Variants in DMD observed in about 807,000 individuals in gnomAD.
DMD encodes the protein dystrophin.
DMD carries 63 observed loss-of-function variants against 330.1 expected under a neutral mutation model. That is an observed-to-expected ratio of 0.19 (90% CI 0.16 to 0.24). DMD has a LOEUF of 0.24. DMD is among the 10% of genes least tolerant of loss of function. DMD has a pLI of 1.00. For missense variants in DMD, 3,344 were observed against 2,684.1 expected, an observed-to-expected ratio of 1.25 and a Z score of -5.43; for synonymous variants, 1,223 against 959.8, an observed-to-expected ratio of 1.27 and a Z score of -5.07.
intron 34 of DMD, among the ~76,000 whole-genome samples, chrX:32,374,935 T>C (rs907605472): frequency 8.9e-6 from 1 of 111,914 alleles, no homozygotes; most frequent in East Asian, 2.8e-4. Flanking sequence ...TGCACAGTTT[T>C]CTTGTTTACA....
At chrX:32,332,962 T>G (rs1165908624) in intron 41 of DMD, among the ~76,000 whole-genome samples, 1 of 110,317 alleles carries the variant, frequency 9.1e-6, no homozygotes, top group Non-Finnish European at 1.9e-5. Flanking sequence ...ATAGAATAAA[T>G]AAAAATGGCA....
At chrX:31,619,414 A>G (rs770888915) in intron 55 of DMD, among the ~76,000 whole-genome samples, 4 of 111,984 alleles carry the variant, frequency 3.6e-5, no homozygotes, top group African/African-American at 1.3e-4. Context: ...ATTAATTAAT[A>G]TAACTTTGAT....
intron 7 of DMD, among the ~76,000 whole-genome samples, chrX:32,776,818 C>T (rs1418226201): frequency 1.8e-5 from 2 of 111,862 alleles, no homozygotes; most frequent in Non-Finnish European, 3.8e-5. Context: ...ATTTGTGACA[C>T]CTCAAAACTA....
At chrX:32,769,817 GAA>G (rs3838945) in intron 7 of DMD, among the ~76,000 whole-genome samples, 1,235 of 95,426 alleles carry the variant, frequency 0.013, 6 homozygotes, top group East Asian at 0.022. Context: ...GGAAAAACCA[GAA>G]AAAAAAAAAA....
intron 30 of DMD, among the ~76,000 whole-genome samples, chrX:32,398,724 G>C (rs1275290507): frequency 9.0e-6 from 1 of 111,473 alleles, no homozygotes; most frequent in Non-Finnish European, 1.9e-5. Context: ...ATTCTTCACA[G>C]AAATAGAAAA....
At chrX:31,823,178 T>C (rs1260289504) in intron 49 of DMD, among the ~76,000 whole-genome samples, 8 of 112,944 alleles carry the variant, frequency 7.1e-5, no homozygotes, top group African/African-American at 2.6e-4. Flanking sequence ...GAGGCACCCC[T>C]CTGTGCAGAA....
intron 4 of DMD, among the ~76,000 whole-genome samples, chrX:32,839,502 T>C (rs1359598844): frequency 8.9e-6 from 1 of 112,100 alleles, no homozygotes; most frequent in African/African-American, 3.2e-5. Context: ...AATCAACTTA[T>C]ATACCTGTGA....
At chrX:31,741,646 C>G (rs1335426018) in intron 51 of DMD, among the ~76,000 whole-genome samples, 1 of 109,664 alleles carries the variant, frequency 9.1e-6, no homozygotes. Context: ...GTCATCTAGT[C>G]TTTGTTGTTT....
At chrX:32,594,969 C>T (rs1226289325) in intron 13 of DMD, among the ~76,000 whole-genome samples, 1 of 111,520 alleles carries the variant, frequency 9.0e-6, no homozygotes, top group Non-Finnish European at 1.9e-5. Context: ...CACTTGATTC[C>T]TTTTAATGCT....
intron 1 of DMD, among the ~76,000 whole-genome samples, chrX:33,067,181 G>A (rs1453079452): frequency 1.8e-5 from 2 of 112,124 alleles, no homozygotes; most frequent in Non-Finnish European, 3.8e-5. Flanking sequence ...TCCTACAAGT[G>A]CGTGGTTCTG....
intron 4 of DMD, among the ~76,000 whole-genome samples, chrX:32,833,817 A>G (rs944706420): frequency 1.0e-3 from 110 of 110,171 alleles, no homozygotes; most frequent in African/African-American, 3.5e-3. Flanking sequence ...GCAGACCTCC[A>G]TATGTGAACA....
chrX:33,288,166 G>A (rs770776147), intron 1 of DMD, among the ~76,000 whole-genome samples: 52 of 111,414 alleles, frequency 4.7e-4, no homozygotes, highest in Non-Finnish European at 8.1e-4. Context: ...AAATTCTTTC[G>A]AAGTGGTGAT....
At chrX:32,851,015 G>A (rs1056393839) in intron 2 of DMD, among the ~76,000 whole-genome samples, 3 of 111,687 alleles carry the variant, frequency 2.7e-5, no homozygotes, top group Non-Finnish European at 3.8e-5. Flanking sequence ...CAAGCCTTGG[G>A]ATCAACAAAT....
intron 1 of DMD, among the ~76,000 whole-genome samples, chrX:33,069,227 T>A (rs1322407923): frequency 9.0e-6 from 1 of 111,181 alleles, no homozygotes; most frequent in Non-Finnish European, 1.9e-5. Flanking sequence ...GTTTTTCATC[T>A]CCTTCAACAA....
At chrX:32,872,387 C>A (rs2083070412) in intron 2 of DMD, among the ~76,000 whole-genome samples, 1 of 111,634 alleles carries the variant, frequency 9.0e-6, no homozygotes, top group Admixed American at 9.5e-5. Flanking sequence ...CTCACTTAAA[C>A]CACAGTATAC....
chrX:32,396,646 T>C (rs12391363), intron 30 of DMD, among the ~76,000 whole-genome samples: 2,817 of 110,968 alleles, frequency 0.025, 79 homozygotes, highest in African/African-American at 0.085. Context: ...TACAAGTAGA[T>C]TTGGAAAAAG....
intron 7 of DMD, among the ~76,000 whole-genome samples, chrX:32,762,273 C>T (rs1025627763): frequency 9.0e-6 from 1 of 110,981 alleles, no homozygotes; most frequent in Admixed American, 9.6e-5. Flanking sequence ...CTCTATCAAC[C>T]GATGGTCACC....
intron 60 of DMD, among the ~76,000 whole-genome samples, chrX:31,376,864 G>A (rs966866067): frequency 3.6e-5 from 4 of 111,891 alleles, no homozygotes; most frequent in Non-Finnish European, 5.6e-5. Context: ...GGATTCTGCA[G>A]GTTTTAATGA....
chrX:31,551,932 C>T (rs2074508464), intron 55 of DMD, among the ~76,000 whole-genome samples: 1 of 111,941 alleles, frequency 8.9e-6, no homozygotes, highest in African/African-American at 3.2e-5. Context: ...AAAGATTTGC[C>T]ACTTAAGAAC....
Sources: allele counts gnomAD v4.1 joint callset (sites outside exome capture counted in the v4.1 genomes callset), GRCh38; gene constraint gnomAD v4.1.1; transcripts MANE v1.5; gene names NCBI Gene and HGNC (gene_info 2026-07-23, HGNC 2026-07-21).